NEB: variants seen among roughly 807,000 people sequenced by gnomAD.
NEB encodes nemaline myopathy type 2.
Under a neutral mutation model 952.2 loss-of-function variants are expected in NEB, and 512 were observed. The ratio of observed to expected loss-of-function variants is 0.54; its 90% CI spans 0.50 to 0.58. The LOEUF (loss-of-function observed/expected upper bound fraction) is 0.58. Among genes scored for constraint, NEB ranks in the 20% least tolerant of loss-of-function variants. The pLI is 0.00. For synonymous variants in NEB, 2,900 were observed against 3,149.8 expected (o/e 0.92, Z 2.66); for missense variants, 8,428 against 9,231.1 (o/e 0.91, Z 3.56).
At chr2:151,520,293 T>C (rs1391080959) in intron 153 of NEB, among the ~76,000 whole-genome samples, 1 of 152,180 alleles carries the variant, frequency 6.6e-6, no homozygotes, top group Non-Finnish European at 1.5e-5. Flanking sequence ...CCAAAAATGG[T>C]ATAACTCCTG....
intron 169 of NEB, 147 bp downstream of exon 169, chr2:151,499,151 T>G: frequency 2.0e-6 from 1 of 492,032 alleles, no homozygotes; most frequent in Non-Finnish European, 3.6e-6. Flanking sequence ...TGGGGAAAAC[T>G]GATTCATAGG....
chr2:151,667,177 T>C (rs1296315473), intron 40 of NEB, among the ~76,000 whole-genome samples: 2 of 149,760 alleles, frequency 1.3e-5, no homozygotes, highest in Non-Finnish European at 3.0e-5. Context: ...TTTCCATGGA[T>C]TTTTTTTCTT....
chr2:151,512,594 G>A (rs539727676), intron 161 of NEB, 139 bp downstream of exon 161: 24 of 709,320 alleles, frequency 3.4e-5, no homozygotes, highest in South Asian at 2.1e-4. Context: ...GAATACAGAC[G>A]TGAGCCACTG....
chr2:151,522,748 G>A (rs2082756465), intron 153 of NEB, among the ~76,000 whole-genome samples: 3 of 152,186 alleles, frequency 2.0e-5, no homozygotes, highest in Non-Finnish European at 4.4e-5. Context: ...TCACTGATGT[G>A]TACATTAATT....
chr2:151,551,636 C>T (rs2095347805), intron 129 of NEB, 102 bp downstream of exon 129: 4 of 847,612 alleles, frequency 4.7e-6, no homozygotes, highest in Non-Finnish European at 7.6e-6. Flanking sequence ...AATAGAACAG[C>T]ATTTATACAA....
Position 151,563,678 on chromosome 2 carries a change from G to A in NEB, c.18621C>T (p.Tyr6207=), listed in dbSNP as rs2096226345. The change falls in exon 119 of 182, where the codon TAC becomes TAT. Residue 6207 remains tyrosine, a synonymous_variant. Coordinates refer to ENST00000397345, the MANE Select transcript of NEB (RefSeq NM_001164508.2). Reference sequence around the variant, plus strand: ...ATTCACCGATCACTTTTCCAGCCAGGTAGTGACCTTTCTGCTTCTCATATG... The same window carrying A: ...ATTCACCGATCACTTTTCCAGCCAGATAGTGACCTTTCTGCTTCTCATATG... ...KETYEKQKGH[Y]LAGKVIGEFP... is the part of the protein sequence containing the mutation. 6.2e-7 allele frequency: 1 copy of A among 1,613,822 alleles called. No homozygotes were observed. Among genetic ancestry groups the A allele is most frequent in the Non-Finnish European group, 8.5e-7 (1 of 1,179,776 alleles).
rs2099785752 is a variant in NEB at position 151,724,906 on chromosome 2, T to G, written c.458A>C (p.Lys153Thr). 1 of 1,613,896 alleles carries G rather than the reference T, an allele frequency of 6.2e-7. No homozygotes were observed. Among genetic ancestry groups the G allele is most frequent in the Non-Finnish European group, 8.5e-7 (1 of 1,179,832 alleles). Residue 153 changes from lysine (K) to threonine (T), a missense_variant, in exon 7 of 182, where the codon AAA becomes ACA. Lys to Thr is a moderately conservative substitution (Grantham distance 78). This residue lies in a region of NEB where 2,851 missense variants were observed against 2,791.5 expected (regional missense o/e 1.02). Transcript: ENST00000397345. ...VAKTICHVDE[K>T]AKDIEHAKKV... is the part of the protein sequence containing the mutation. Reference sequence around the variant, plus strand: ...CTTTGCATGTTCAATATCCTTTGCTTTTTCATCTACGTGACATATAGTCTT... The same window carrying G: ...CTTTGCATGTTCAATATCCTTTGCTGTTTCATCTACGTGACATATAGTCTT...
Position 151,671,116 on chromosome 2 carries a change from C to T in NEB, c.4413G>A (p.Lys1471=), listed in dbSNP as rs755877926. 70 of 1,613,854 alleles carry T rather than the reference C, an allele frequency of 4.3e-5. No homozygotes were observed. Among genetic ancestry groups the T allele is most frequent in the Non-Finnish European group, 5.8e-5 (68 of 1,179,872 alleles). The change falls in exon 38 of 182, where the codon AAG becomes AAA. Residue 1471 remains lysine, a synonymous_variant. Coordinates refer to ENST00000397345, the MANE Select transcript of NEB (RefSeq NM_001164508.2). ...KKAGDALNER[K]YRQHPDTVKF... is the part of the protein sequence containing the mutation. Reference sequence around the variant, plus strand: ...TGACGGTATCTGGGTGCTGTCGATACTTCCTCTCATTTAATGCATCGCCTG... The same window carrying T: ...TGACGGTATCTGGGTGCTGTCGATATTTCCTCTCATTTAATGCATCGCCTG...
chr2:151,554,914 C>A lies in NEB; in HGVS notation c.19428+17G>T. On this transcript the variant is annotated intron_variant, in intron 125 of 181. Coordinates refer to ENST00000397345, the MANE Select transcript of NEB (RefSeq NM_001164508.2). ...AGAATGTATCCTAGTCATTAAGGGGCGCATGACCGTACTTACATCGATGTT... is the reference window on the plus strand; with the variant it reads ...AGAATGTATCCTAGTCATTAAGGGGAGCATGACCGTACTTACATCGATGTT... 6.5e-7 allele frequency: 1 copy of A among 1,535,152 alleles called. No individual in the cohort carries two copies. Among genetic ancestry groups the A allele is most frequent in the East Asian group, 2.3e-5 (1 of 44,438 alleles).
At chr2:151,489,928 A>G (rs2054818404) in intron 181 of NEB, 43 bp downstream of exon 181, 4 of 1,462,146 alleles carry the variant, frequency 2.7e-6, no homozygotes, top group Non-Finnish European at 3.8e-6. Flanking sequence ...GCACATATCA[A>G]AAATTAAGAA....
At chr2:151,715,774 T>C (rs889837613) in intron 10 of NEB, among the ~76,000 whole-genome samples, 6 of 152,270 alleles carry the variant, frequency 3.9e-5, no homozygotes, top group Non-Finnish European at 5.9e-5. Flanking sequence ...CTGACTTATA[T>C]ACTCAGTTTA....
At chr2:151,562,289 AGCTGTTG>A in intron 120 of NEB, 75 bp from the exon 121 acceptor site, 1 of 1,273,740 alleles carries the variant, frequency 7.9e-7, no homozygotes, top group Non-Finnish European at 1.1e-6. Flanking sequence ...ATTTCCTATC[AGCTGTTG>A]GCTGTGCTTA....
chr2:151,706,731 C>T, intron 13 of NEB, 150 bp downstream of exon 13: 1 of 633,870 alleles, frequency 1.6e-6, no homozygotes, highest in Non-Finnish European at 2.8e-6. Flanking sequence ...GGGACTCATG[C>T]CTTTCTGTGG....
At chr2:151,558,683 A>G (rs2095825757) in intron 124 of NEB, among the ~76,000 whole-genome samples, 1 of 152,220 alleles carries the variant, frequency 6.6e-6, no homozygotes, top group South Asian at 2.1e-4. Flanking sequence ...AAATCTGACA[A>G]AAACAAGCGA....
chr2:151,652,576 A>C lies in NEB; in HGVS notation c.6915+1416T>G, dbSNP rs528160346. Among the ~76,000 whole-genome samples the C allele has an allele frequency of 3.5e-4, 54 of 152,294 alleles. No homozygotes were observed. The Middle Eastern group carries it at 0.01, about 29-fold the overall frequency. ...CTACAGAATTTTGGAGATGGAGAGA[A>C]GGTAGGATGCTGAGTGGGAGATTAG... On this transcript the variant is annotated intron_variant, in intron 52 of 181. Transcript: ENST00000397345.
intron 13 of NEB, among the ~76,000 whole-genome samples, chr2:151,704,494 G>A (rs1320073073): frequency 3.1e-4 from 46 of 148,168 alleles, no homozygotes; most frequent in Non-Finnish European, 6.2e-4. Context: ...TCAGACTGCT[G>A]TGCTAGCAAT....
At position 151,519,746 on chromosome 2, in the gene NEB, T is replaced by C. The variant is rs771620082; in HGVS notation, c.22502A>G (p.Asp7501Gly). 1.9e-6 allele frequency: 3 copies of C among 1,611,850 alleles called. No homozygotes were observed. The highest frequency in any genetic ancestry group is 2.2e-5 in the East Asian group (1 of 44,832). The change falls in exon 154 of 182, where the codon GAT (aspartate) becomes GGT (glycine). Residue 7501 changes from aspartate to glycine, a missense_variant. Asp to Gly is a moderately conservative substitution (Grantham distance 94). Transcript: ENST00000397345. ...SSQVKYRENF[D>G]KEKGKTPKYN... ...TTTTGGTGTCTTGCCCTTTTCTTTA[T>C]CGAAATTTTCTCGGTATTTAACCTA...
chr2:151,660,133 C>T (rs571159256), intron 46 of NEB, among the ~76,000 whole-genome samples: 274 of 152,280 alleles, frequency 1.8e-3, no homozygotes, highest in African/African-American at 5.8e-3. Flanking sequence ...AGTGGGGGTA[C>T]AAAGATCTAG....
At chr2:151,715,969 G>A (rs536329294) in intron 10 of NEB, 4 of 306,862 alleles carry the variant, frequency 1.3e-5, no homozygotes, top group South Asian at 2.9e-5. Flanking sequence ...GCAAAAGAAT[G>A]TTTCCTTAGT....
Sources: allele counts gnomAD v4.1 joint callset (sites outside exome capture counted in the v4.1 genomes callset), GRCh38; gene constraint gnomAD v4.1.1; regional missense constraint gnomAD v4.1.1; transcripts MANE v1.5; gene names NCBI Gene and HGNC (gene_info 2026-07-23, HGNC 2026-07-21).